Variants in TRIM2 observed in about 807,000 individuals in gnomAD.
TRIM2 encodes the protein tripartite motif-containing protein 2.
A neutral mutation model predicts 75.2 loss-of-function variants in TRIM2; 20 were observed. The ratio of observed to expected loss-of-function variants is 0.27; its 90% confidence interval spans 0.19 to 0.39. The LOEUF is 0.39. TRIM2 is among the 10% of genes least tolerant of loss of function. TRIM2 has a pLI of 1.00. For synonymous variants in TRIM2, 373 were observed against 388.3 expected (o/e 0.96, Z 0.46); for missense variants, 660 against 990.8 (o/e 0.67, Z 4.48).
chr4:153,155,088 C>T (rs975247956), intron 1 of TRIM2, among the ~76,000 whole-genome samples: 18 of 151,402 alleles, frequency 1.2e-4, no homozygotes, highest in Admixed American at 8.6e-4. Context: ...TGCAGTGAGC[C>T]GAGATCACAC....
At chr4:153,234,172 A>G (rs981931560) in intron 1 of TRIM2, among the ~76,000 whole-genome samples, 2 of 152,200 alleles carry the variant, frequency 1.3e-5, no homozygotes, top group East Asian at 1.9e-4. Context: ...TCCTTGGGGC[A>G]TTATTTGGCA....
chr4:153,288,719 T>C (rs1441053628), intron 3 of TRIM2, among the ~76,000 whole-genome samples: 1 of 152,062 alleles, frequency 6.6e-6, no homozygotes, highest in Admixed American at 6.6e-5. Context: ...TCATTAGGTA[T>C]ATTTGGTACA....
At position 153,174,029 on chromosome 4, in the gene TRIM2, G is replaced by A. The variant is rs543099669; in HGVS notation, c.-49+20759G>A. On this transcript the variant is annotated intron_variant, in intron 1 of 11. Coordinates refer to the TRIM2 transcript ENST00000437508. ...GGAAATGCAAGCAACACATTCTCAA[G>A]GTGGCCACAGGAGGGACAGTAGCAG... Among the ~76,000 whole-genome samples, 327 of 118,534 alleles carry A rather than the reference G, an allele frequency of 2.8e-3. 17 individuals are homozygous for A. In the South Asian group the frequency reaches 0.073, roughly 27 times the overall value. The allele number at this position is 118,534 out of a possible 152,430, so 77.8% of individuals were successfully genotyped here.
chr4:153,156,802 T>A (rs1426123341), intron 1 of TRIM2: 1 of 152,210 alleles, frequency 6.6e-6, no homozygotes, highest in Non-Finnish European at 1.5e-5. Context: ...GACAAGACTA[T>A]CTTGACCAGA....
intron 3 of TRIM2, among the ~76,000 whole-genome samples, chr4:153,276,786 T>A (rs1188352499): frequency 6.6e-6 from 1 of 152,218 alleles, no homozygotes; most frequent in African/African-American, 2.4e-5. Context: ...GCTCTTAAAC[T>A]TATTCCCTGT....
At chr4:153,305,314 A>C (rs1207922676) in intron 6 of TRIM2, among the ~76,000 whole-genome samples, 1 of 152,244 alleles carries the variant, frequency 6.6e-6, no homozygotes. Flanking sequence ...TTAACACCAA[A>C]AAAAGCTTGG....
At chr4:153,168,698 C>G (rs1730553955) in intron 1 of TRIM2, among the ~76,000 whole-genome samples, 1 of 147,630 alleles carries the variant, frequency 6.8e-6, no homozygotes, top group South Asian at 2.1e-4. Flanking sequence ...AAAAAAAAAT[C>G]AAAGAAAATC....
At position 153,241,517 on chromosome 4, in the gene TRIM2, T is replaced by C. The variant is rs111974969; in HGVS notation, c.31-28818T>C. 7.7e-3 allele frequency among the ~76,000 whole-genome samples: 1,177 copies of C among 152,286 alleles called. 14 individuals are homozygous for C. The highest frequency in any genetic ancestry group is 0.027 in the African/African-American group (1,112 of 41,550). ...GAAGGATTCAAAGGGGGCAGAGTGA[T>C]ACATAACAAAGGGGCACACCCACTT... On this transcript the variant is annotated intron_variant, in intron 1 of 11. Transcript: ENST00000338700.
At chr4:153,263,363 G>T (rs766567117) in intron 1 of TRIM2, among the ~76,000 whole-genome samples, 14 of 152,138 alleles carry the variant, frequency 9.2e-5, no homozygotes, top group Non-Finnish European at 1.5e-4. Context: ...ACATTGGGAA[G>T]CAGGTAATGT....
At chr4:153,274,713 T>G (rs773326890) in intron 2 of TRIM2, among the ~76,000 whole-genome samples, 1 of 152,158 alleles carries the variant, frequency 6.6e-6, no homozygotes, top group Non-Finnish European at 1.5e-5. Flanking sequence ...GAGAACCATG[T>G]GAGTGTGGTG....
At position 153,317,863 on chromosome 4, in the gene TRIM2, G is replaced by A. The variant is rs1372878057; in HGVS notation, c.1782+1864G>A. Among the ~76,000 whole-genome samples the A allele has an allele frequency of 2.0e-5, 3 of 152,004 alleles. No homozygotes were observed. In the East Asian group the frequency reaches 5.8e-4, roughly 29 times the overall value. On this transcript the variant is annotated intron_variant, in intron 8 of 11. Coordinates refer to ENST00000338700, the MANE Select transcript of TRIM2 (RefSeq NM_015271.5). ...TAGTCCCAGCCACTTGGGAGGCTGA[G>A]GTGGGAGGATTGCTTGAGCCCAGAA... is the stretch of plus-strand genomic sequence containing the variant.
intron 1 of TRIM2, among the ~76,000 whole-genome samples, chr4:153,206,916 C>G (rs529458074): frequency 2.0e-5 from 3 of 151,948 alleles, no homozygotes; most frequent in Admixed American, 2.0e-4. Context: ...GGTCTTGCTC[C>G]GTCACCCAGG....
rs1166538582 is a variant in TRIM2, at chr4:153,243,817, T to C, written c.31-26518T>C. Among the ~76,000 whole-genome samples, 132 of 120,640 alleles carry C rather than the reference T, an allele frequency of 1.1e-3. 1 individual carries two copies. The highest frequency in any genetic ancestry group is 5.4e-3 in the East Asian group (22 of 4,040). The allele number at this position is 120,640 out of a possible 152,430, so 79.1% of individuals were successfully genotyped here. A position where few individuals can be genotyped will look rare whatever the true frequency, so the allele number is the denominator to read the frequency against. On this transcript the variant is annotated intron_variant, in intron 1 of 11. Coordinates refer to ENST00000338700, the MANE Select transcript of TRIM2 (RefSeq NM_015271.5). ...TTCCTCCTCCCCCTCCTTTTTTTTT[T>C]TCCCCCCCCCCTTGAGACAGGATCT...
intron 3 of TRIM2, among the ~76,000 whole-genome samples, chr4:153,283,361 G>A (rs376339655): frequency 1.3e-5 from 2 of 152,054 alleles, no homozygotes; most frequent in African/African-American, 4.8e-5. Flanking sequence ...TGTTTTCAAG[G>A]TTCATCCATG....
intron 1 of TRIM2, among the ~76,000 whole-genome samples, chr4:153,217,274 T>C (rs1426906198): frequency 6.6e-6 from 1 of 152,120 alleles, no homozygotes; most frequent in Non-Finnish European, 1.5e-5. Context: ...ATAACCCAAG[T>C]ACCCAGGAGG....
intron 1 of TRIM2, among the ~76,000 whole-genome samples, chr4:153,210,014 T>C (rs1736522862): frequency 6.6e-6 from 1 of 151,984 alleles, no homozygotes; most frequent in Non-Finnish European, 1.5e-5. Context: ...TTCAAATCCA[T>C]ATAGTTTTCC....
At position 153,276,073 on chromosome 4, in the gene TRIM2, G is replaced by A. The variant is rs1404914356; in HGVS notation, c.396G>A (p.Glu132=). The A allele has an allele frequency of 1.2e-6, 2 of 1,614,252 alleles. No individual in the cohort carries two copies. Residue 132 remains glutamate, a synonymous_variant, in exon 3 of 12, where the codon GAG becomes GAA. Transcript: ENST00000338700. ...GSNAEESSIL[E]TVTAVAAGKP... ...ACGCTGAGGAGTCTTCCATCCTGGA[G>A]ACAGTCACTGCTGTGGCTGCGGGAA...
intron 8 of TRIM2, among the ~76,000 whole-genome samples, chr4:153,316,873 C>CTTTGTT (rs1767717209): frequency 1.6e-5 from 1 of 61,576 alleles, no homozygotes; most frequent in Admixed American, 3.0e-4. Flanking sequence ...TGCATTATGC[C>CTTTGTT]TTTTTTTTTT....
At chr4:153,289,119 T>C (rs1761308408) in intron 3 of TRIM2, among the ~76,000 whole-genome samples, 2 of 152,096 alleles carry the variant, frequency 1.3e-5, no homozygotes, top group South Asian at 2.1e-4. Flanking sequence ...GTGAACTTTG[T>C]CCTTTTTTGT....
Sources: allele counts gnomAD v4.1 joint callset (sites outside exome capture counted in the v4.1 genomes callset), GRCh38; gene constraint gnomAD v4.1.1; transcripts MANE v1.5; gene names NCBI Gene and HGNC (gene_info 2026-07-23, HGNC 2026-07-21).